RASEF: variants seen among roughly 807,000 people sequenced by gnomAD.
RASEF encodes RAS and EF-hand domain containing.
Under a neutral mutation model 90.1 loss-of-function variants are expected in RASEF, and 68 were observed. The ratio of observed to expected loss-of-function variants is 0.75; its 90% CI spans 0.62 to 0.92. The LOEUF is 0.92. Among genes scored for constraint, RASEF ranks in the 40% least tolerant of loss-of-function variants. The probability of loss-of-function intolerance (pLI) is 0.00; values close to 1 mark genes in which losing one functional copy is unlikely to be tolerated. For synonymous variants in RASEF, 331 were observed against 345.2 expected (o/e 0.96, Z 0.46); for missense variants, 949 against 937.2 (o/e 1.01, Z -0.16).
intron 1 of RASEF, among the ~76,000 whole-genome samples, chr9:83,049,774 G>A (rs1200875912): frequency 1.0e-5 from 1 of 99,276 alleles, no homozygotes; most frequent in Non-Finnish European, 1.8e-5. Context: ...TCCCACCTAT[G>A]AGTGAGAATA....
chr9:83,162,820 C>T, the RASEF span, among the ~76,000 whole-genome samples: 4 of 152,182 alleles, frequency 2.6e-5, no homozygotes, highest in Non-Finnish European at 4.4e-5. Flanking sequence ...GCTGGCAGCT[C>T]AGTGTAGACA....
chr9:82,983,335 A>G (rs970933856), intron 16 of RASEF, among the ~76,000 whole-genome samples: 3 of 152,132 alleles, frequency 2.0e-5, no homozygotes, highest in African/African-American at 7.2e-5. Flanking sequence ...GGAGGTAACA[A>G]TGGATTTACC....
At chr9:83,218,260 G>A in the RASEF span, among the ~76,000 whole-genome samples, 3,791 of 152,216 alleles carry the variant, frequency 0.025, 148 homozygotes, top group African/African-American at 0.086. Context: ...AATTCTCTGC[G>A]CCTCCCTTTC....
chr9:83,154,695 T>G, the RASEF span, among the ~76,000 whole-genome samples: 1 of 152,212 alleles, frequency 6.6e-6, no homozygotes, highest in Non-Finnish European at 1.5e-5. Flanking sequence ...GTGATATCCT[T>G]GCTCACAATC....
chr9:83,043,437 T>C (rs1829876036), intron 1 of RASEF, among the ~76,000 whole-genome samples: 1 of 152,136 alleles, frequency 6.6e-6, no homozygotes, highest in Non-Finnish European at 1.5e-5. Flanking sequence ...TAGTAAAATG[T>C]TCTGTTTCTT....
intron 3 of RASEF, 44 bp downstream of exon 3, chr9:83,022,292 C>T (rs372638352): frequency 4.1e-6 from 6 of 1,455,032 alleles, no homozygotes; most frequent in African/African-American, 1.4e-5. Context: ...GTAGAAACCA[C>T]CTCATAAAGA....
chr9:83,125,200 G>T, the RASEF span, among the ~76,000 whole-genome samples: 37 of 152,166 alleles, frequency 2.4e-4, no homozygotes, highest in African/African-American at 8.9e-4. Flanking sequence ...CACTACTTCA[G>T]CTGGGCTCTC....
chr9:83,141,640 C>T, the RASEF span, among the ~76,000 whole-genome samples: 15 of 152,164 alleles, frequency 9.9e-5, 1 homozygote, highest in Admixed American at 3.3e-4. Context: ...TCCTCCAGCT[C>T]GGTACTCACC....
chr9:83,023,116 CTG>C (rs1829472566), intron 2 of RASEF, among the ~76,000 whole-genome samples: 1 of 151,964 alleles, frequency 6.6e-6, no homozygotes, highest in Admixed American at 6.6e-5. Flanking sequence ...AAAAAGAACT[CTG>C]TGGCAAAGTG....
At chr9:83,026,148 T>G (rs1464898749) in intron 1 of RASEF, among the ~76,000 whole-genome samples, 1 of 152,158 alleles carries the variant, frequency 6.6e-6, no homozygotes, top group Non-Finnish European at 1.5e-5. Flanking sequence ...AGCAAGGGAC[T>G]AATAAGGAAG....
chr9:82,982,423 A>G lies in RASEF; in HGVS notation c.*254T>C. On this transcript the variant is annotated 3_prime_UTR_variant, in exon 17 of 17. Coordinates refer to ENST00000376447, the MANE Select transcript of RASEF (RefSeq NM_152573.4). ...TCTTTTTTTTTACCATTTTAAAAAC[A>G]TTTACATGTTATCTTTTAAGACCTG... 1 of 274,608 alleles carries G rather than the reference A, an allele frequency of 3.6e-6. No homozygotes were observed. Among genetic ancestry groups the G allele is most frequent in the Non-Finnish European group, 6.9e-6 (1 of 145,480 alleles). The allele number at this position is 274,608 out of a possible 1,614,324, so 17.0% of individuals were successfully genotyped here.
At chr9:83,124,663 G>T in the RASEF span, among the ~76,000 whole-genome samples, 1 of 152,182 alleles carries the variant, frequency 6.6e-6, no homozygotes, top group Non-Finnish European at 1.5e-5. Flanking sequence ...GCCCTATTGT[G>T]AGTCAGTAAA....
the RASEF span, among the ~76,000 whole-genome samples, chr9:83,085,890 ACT>A: frequency 2.0e-5 from 3 of 151,984 alleles, no homozygotes; most frequent in African/African-American, 4.8e-5. Context: ...GCGCCACTAC[ACT>A]CTAGCCTGGG....
the RASEF span, among the ~76,000 whole-genome samples, chr9:83,137,087 AAGTAG>A: frequency 3.3e-5 from 5 of 152,210 alleles, no homozygotes; most frequent in Non-Finnish European, 5.9e-5. Flanking sequence ...AAACATGATA[AAGTAG>A]GAATTCACCT....
chr9:83,096,991 C>T, the RASEF span, among the ~76,000 whole-genome samples: 2 of 151,948 alleles, frequency 1.3e-5, no homozygotes, highest in Non-Finnish European at 1.5e-5. Context: ...CATAGTATTC[C>T]ATGGTGTATA....
chr9:83,167,054 C>T, the RASEF span, among the ~76,000 whole-genome samples: 6 of 152,132 alleles, frequency 3.9e-5, no homozygotes, highest in African/African-American at 1.4e-4. Flanking sequence ...ATTAATCTCC[C>T]TACTTCCATT....
At chr9:83,002,597 T>C (rs943021084) in intron 9 of RASEF, among the ~76,000 whole-genome samples, 2 of 151,650 alleles carry the variant, frequency 1.3e-5, no homozygotes, top group African/African-American at 4.8e-5. Flanking sequence ...TTTATAAAAC[T>C]CTCCTTCTGA....
Position 82,997,070 on chromosome 9 carries a change from T to A in RASEF, c.1862A>T (p.Tyr621Phe). Reference protein sequence around the residue: ...FRKADGVLLLYDVTCEKSFLN... With the variant: ...FRKADGVLLLFDVTCEKSFLN... ...AAAGCTTTTCTCACATGTAACATCATACAGCAGCAAAACACCATCTGCCTT... is the reference window on the plus strand; with the variant it reads ...AAAGCTTTTCTCACATGTAACATCAAACAGCAGCAAAACACCATCTGCCTT... Residue 621 changes from tyrosine (Y) to phenylalanine (F), a missense_variant, in exon 14 of 17, where the codon TAT (tyrosine) becomes TTT (phenylalanine). Physicochemically the swap from Tyr to Phe is conservative, Grantham distance 22. Coordinates refer to ENST00000376447, the MANE Select transcript of RASEF (RefSeq NM_152573.4). 1 of 1,613,752 alleles carries A rather than the reference T, an allele frequency of 6.2e-7. No individual in the cohort carries two copies. The highest frequency in any genetic ancestry group is 8.5e-7 in the Non-Finnish European group (1 of 1,179,668).
chr9:82,989,707 GA>G (rs1171767201), intron 16 of RASEF, among the ~76,000 whole-genome samples: 1 of 152,118 alleles, frequency 6.6e-6, no homozygotes, highest in African/African-American at 2.4e-5. Context: ...TGATTGCTCT[GA>G]AATTTGTATT....
Sources: allele counts gnomAD v4.1 joint callset (sites outside exome capture counted in the v4.1 genomes callset), GRCh38; gene constraint gnomAD v4.1.1; transcripts MANE v1.5; gene names NCBI Gene and HGNC (gene_info 2026-07-23, HGNC 2026-07-21).